Variants in MYO15A observed in about 807,000 individuals in gnomAD.
MYO15A encodes the protein myosin XVA.
MYO15A carries 308 observed loss-of-function variants against 394.6 expected under a neutral mutation model. The ratio of observed to expected loss-of-function variants is 0.78; its 90% CI spans 0.71 to 0.86. MYO15A has a LOEUF of 0.86. Ranked by LOEUF, MYO15A falls within the 40% of genes least tolerant of loss-of-function variation. MYO15A has a pLI of 0.00. For synonymous variants in MYO15A, 1,957 were observed against 2,003.8 expected (o/e 0.98, Z 0.62); for missense variants, 4,606 against 4,799.1 (o/e 0.96, Z 1.19).
intron 65 of MYO15A, 42 bp downstream of exon 65, chr17:18,173,963 T>C (rs1186600043): frequency 1.3e-6 from 2 of 1,599,070 alleles, no homozygotes. Flanking sequence ...CACTGGGCCC[T>C]TCTCTGGGCC....
rs377090349 is a variant in MYO15A at position 18,135,637 on chromosome 17, G to A, written c.4483-74G>A. 1.5e-4 allele frequency: 219 copies of A among 1,426,170 alleles called. 1 individual carries two copies. In the East Asian group the frequency reaches 1.6e-3, roughly 11 times the overall value. 88.3% of individuals were successfully genotyped at this position (1,426,170 alleles called of 1,614,324 possible). A position where few individuals can be genotyped will look rare whatever the true frequency, so the allele number is the denominator to read the frequency against. ...ACTACTGGCATGAGCCACAGTGCCCGGCCCTGTTTTTCATATGAACTTTAA... is the reference window on the plus strand; with the variant it reads ...ACTACTGGCATGAGCCACAGTGCCCAGCCCTGTTTTTCATATGAACTTTAA... On this transcript the variant is annotated intron_variant, in intron 12 of 65. Coordinates refer to ENST00000647165, the MANE Select transcript of MYO15A (RefSeq NM_016239.4).
rs752942827 is a variant in MYO15A, at chr17:18,126,411, A to G, written c.3821A>G (p.Glu1274Gly). The change falls in exon 5 of 66, where the codon GAG becomes GGG. Residue 1274 changes from glutamate to glycine, a missense_variant. Transcript: ENST00000647165. ...CAAATGTTTGGAATCTATGGGCCGG[A>G]GCAGGTGCAGCAGTACAACGGACGG... is the stretch of plus-strand genomic sequence containing the variant. ...PYQMFGIYGP[E>G]QVQQYNGRAL... 3 of 1,613,920 alleles carry G rather than the reference A, an allele frequency of 1.9e-6. No homozygotes were observed. Among genetic ancestry groups the G allele is most frequent in the Admixed American group, 3.3e-5 (2 of 60,024 alleles).
intron 56 of MYO15A, 173 bp from the exon 57 acceptor site, chr17:18,161,144 T>A (rs571656893): frequency 1.3e-4 from 138 of 1,057,234 alleles, no homozygotes; most frequent in South Asian, 9.6e-4. Flanking sequence ...CTATCCCCAA[T>A]CCTGACTTCC....
chr17:18,178,795 C>G lies in MYO15A; in HGVS notation c.10518C>G (p.Ala3506=), dbSNP rs750017337. 1 of 1,613,992 alleles carries G rather than the reference C, an allele frequency of 6.2e-7. No homozygotes were observed. The highest frequency in any genetic ancestry group is 2.2e-5 in the East Asian group (1 of 44,872). Residue 3506 remains alanine, a synonymous_variant, in exon 66 of 66, where the codon GCC becomes GCG. Transcript: ENST00000647165. ...GACTGGAACTGTGTCGTGTGGTGGC[C>G]GTGCACGTGGAGAACCTGCTCAGTG... ...EQGLELCRVV[A]VHVENLLSAH...
At position 18,121,078 on chromosome 17, in the gene MYO15A, G is replaced by C; in HGVS notation, c.2278G>C (p.Ala760Pro). Residue 760 changes from alanine (A) to proline (P), a missense_variant, in exon 2 of 66, where the codon GCC (alanine) becomes CCC (proline). Around this residue, in one of 2 missense-constraint regions of MYO15A, gnomAD observed 1,830 missense variants for 1,689.7 expected, o/e 1.08. Coordinates refer to ENST00000647165, the MANE Select transcript of MYO15A (RefSeq NM_016239.4). The surrounding 1 kb of genome is among the most constrained non-coding windows in gnomAD (Gnocchi z 5.3). The part of the protein sequence containing the change: ...RRGAAFGFPG[A>P]SPRASRRRAW... The stretch of plus-strand genomic sequence containing the variant: ...AGGGGCGGCTTTCGGCTTCCCCGGG[G>C]CCTCTCCACGGGCGTCGCGGAGGCG... The C allele has an allele frequency of 6.6e-7, 1 of 1,505,970 alleles. No homozygotes were observed. Among genetic ancestry groups the C allele is most frequent in the African/African-American group, 1.4e-5 (1 of 69,608 alleles). The allele number at this position is 1,505,970 out of a possible 1,614,324, so 93.3% of individuals were successfully genotyped here. A position where few individuals can be genotyped will look rare whatever the true frequency, so the allele number is the denominator to read the frequency against.
chr17:18,156,485 T>G, intron 48 of MYO15A, 149 bp downstream of exon 48: 1 of 976,336 alleles, frequency 1.0e-6, no homozygotes, highest in Non-Finnish European at 1.6e-6. Flanking sequence ...GGAATACCCT[T>G]TCTCCCTTTT....
At chr17:18,113,939 G>A (rs995408872) in intron 1 of MYO15A, among the ~76,000 whole-genome samples, 1 of 151,892 alleles carries the variant, frequency 6.6e-6, no homozygotes, top group Admixed American at 6.6e-5. Flanking sequence ...TCCCTATCAG[G>A]ACACAGAGAT....
chr17:18,132,374 A>T lies in MYO15A; in HGVS notation c.4207-79A>T. 1 of 1,111,304 alleles carries T rather than the reference A, an allele frequency of 9.0e-7. No individual in the cohort carries two copies. 68.8% of individuals were successfully genotyped at this position (1,111,304 alleles called of 1,614,324 possible). On this transcript the variant is annotated intron_variant, in intron 10 of 65. Transcript: ENST00000647165. The surrounding 1 kb of genome is among the most constrained non-coding windows in gnomAD (Gnocchi z 4.6). Reference sequence around the variant, plus strand: ...ACTGTGTGCATGTGCACTTGTGGGCAGGCTTGGGCTTGTATGTGTGCCTGG... The same window carrying T: ...ACTGTGTGCATGTGCACTTGTGGGCTGGCTTGGGCTTGTATGTGTGCCTGG...
chr17:18,169,145 TAATAATAATAATAAA>T (rs1405208215), intron 62 of MYO15A, among the ~76,000 whole-genome samples: 42 of 137,296 alleles, frequency 3.1e-4, no homozygotes, highest in Middle Eastern at 3.9e-3. Context: ...ATAATAATAA[TAATAATAATAATAAA>T]AATAGGCTGG....
In MYO15A at chr17:18,150,485, T is replaced by C. The variant is rs928152919; in HGVS notation, c.7269T>C (p.Gly2423=). 3.1e-6 allele frequency: 5 copies of C among 1,613,862 alleles called. No homozygotes were observed. The African/African-American group carries it at 4.0e-5, about 13-fold the overall frequency. Residue 2423 remains glycine, a synonymous_variant, in exon 36 of 66, where the codon GGT becomes GGC. Coordinates refer to ENST00000647165, the MANE Select transcript of MYO15A (RefSeq NM_016239.4). This position sits in a 1 kb window ranked among gnomAD's most constrained non-coding sequence, Gnocchi z 4.4. ...GCATGAAAGGGGGAGGCCAGCCCGGTGGAGGCAGCAGTAGTGGTACTGAAG... is the reference window on the plus strand; with the variant it reads ...GCATGAAAGGGGGAGGCCAGCCCGGCGGAGGCAGCAGTAGTGGTACTGAAG... The part of the protein sequence containing the change: ...AYRMKGGGQP[G]GGSSSGTEDT...
At chr17:18,159,124 C>T in intron 53 of MYO15A, 127 bp downstream of exon 53, 4 of 1,383,912 alleles carry the variant, frequency 2.9e-6, no homozygotes, top group Non-Finnish European at 4.0e-6. Context: ...CTGATTCCCT[C>T]CCAAGGACAG....
At chr17:18,125,307 A>G (rs1037071442) in intron 4 of MYO15A, 76 bp downstream of exon 4, 7 of 1,423,668 alleles carry the variant, frequency 4.9e-6, no homozygotes, top group Non-Finnish European at 6.9e-6. Flanking sequence ...TGGGACGCAC[A>G]GATTTCTCTT....
At position 18,121,194 on chromosome 17, in the gene MYO15A, G is replaced by T; in HGVS notation, c.2394G>T (p.Gln798His). 1 of 1,508,256 alleles carries T rather than the reference G, an allele frequency of 6.6e-7. No homozygotes were observed. Among genetic ancestry groups the T allele is most frequent in the Non-Finnish European group, 8.8e-7 (1 of 1,135,142 alleles). 93.4% of individuals were successfully genotyped at this position (1,508,256 alleles called of 1,614,324 possible). Residue 798 changes from glutamine (Q) to histidine (H), a missense_variant, in exon 2 of 66, where the codon CAG (glutamine) becomes CAT (histidine). Transcript: ENST00000647165. The surrounding 1 kb of genome is among the most constrained non-coding windows in gnomAD (Gnocchi z 5.3). ...CACCCTTGGCGCCCCCGTCGCCTCA[G>T]CTGTCCTTGCGCACGGGCCCCTTCC... ...YCSPLAPPSP[Q>H]LSLRTGPFQP...
chr17:18,142,209 A>G lies in MYO15A; in HGVS notation c.5780A>G (p.His1927Arg). The change falls in exon 24 of 66, where the codon CAC becomes CGC. Residue 1927 changes from histidine to arginine, a missense_variant. By Grantham distance (29) the His-to-Arg change is conservative. This residue lies in a region of MYO15A where 2,776 missense variants were observed against 3,109.3 expected (regional missense o/e 0.89). Coordinates refer to ENST00000647165, the MANE Select transcript of MYO15A (RefSeq NM_016239.4). The stretch of plus-strand genomic sequence containing the variant: ...AAGCGGCGATTCCGCTCTCTGCGCC[A>G]CAAGATCATCCTGCTGCAAAGCCGG... ...FIKRRFRSLR[H>R]KIILLQSRAR... 6.2e-7 allele frequency: 1 copy of G among 1,613,494 alleles called. No individual in the cohort carries two copies. Among genetic ancestry groups the G allele is most frequent in the Non-Finnish European group, 8.5e-7 (1 of 1,179,970 alleles).
intron 55 of MYO15A, 88 bp downstream of exon 55, chr17:18,159,767 T>A: frequency 6.6e-7 from 1 of 1,522,038 alleles, no homozygotes; most frequent in African/African-American, 1.4e-5. Flanking sequence ...GACATTAGGG[T>A]GGGAAACCTC....
At chr17:18,158,467 A>C in intron 51 of MYO15A, 56 bp from the exon 52 acceptor site, 2 of 1,514,806 alleles carry the variant, frequency 1.3e-6, no homozygotes, top group Non-Finnish European at 1.8e-6. Context: ...GTTTTGACCG[A>C]AGGGCTAGGC....
intron 38 of MYO15A, 91 bp from the exon 39 acceptor site, chr17:18,151,019 C>A: frequency 6.2e-7 from 1 of 1,606,788 alleles, no homozygotes; most frequent in Non-Finnish European, 8.5e-7. Context: ...AGCCCAGGAG[C>A]TCCACAACCC....
chr17:18,110,679 A>C lies in MYO15A; in HGVS notation c.-220+1855A>C, dbSNP rs548781586. The stretch of plus-strand genomic sequence containing the variant: ...TATTCCAGAAAAGCATTTAGTACCA[A>C]GCCTGGCACATAGTAAACATCTGGA... On this transcript the variant is annotated intron_variant, in intron 1 of 65. Transcript: ENST00000647165. 1.5e-3 allele frequency among the ~76,000 whole-genome samples: 226 copies of C among 152,316 alleles called. 1 individual carries two copies. Among genetic ancestry groups the C allele is most frequent in the African/African-American group, 5.2e-3 (216 of 41,568 alleles).
In MYO15A at chr17:18,155,229, C is replaced by T. The variant is rs528260983; in HGVS notation, c.8340+4C>T. 5.8e-5 allele frequency: 93 copies of T among 1,613,934 alleles called. No homozygotes were observed. In the South Asian group the frequency reaches 9.0e-4, roughly 16 times the overall value. On this transcript the variant is annotated splice_donor_region_variant and intron_variant, in intron 46 of 65. Transcript: ENST00000647165. ...CTCCCGCATCTTCCCCGCCACGGTG[C>T]GAGCCCCTCACTTGCCCCCTACCTG...
Sources: allele counts gnomAD v4.1 joint callset (sites outside exome capture counted in the v4.1 genomes callset), GRCh38; gene constraint gnomAD v4.1.1; regional missense constraint gnomAD v4.1.1; non-coding constraint Gnocchi (gnomAD v3.1); transcripts MANE v1.5; gene names NCBI Gene and HGNC (gene_info 2026-07-23, HGNC 2026-07-21).